DNAAF1: variants seen among roughly 807,000 people sequenced by gnomAD.
DNAAF1 encodes the protein dynein axonemal assembly factor 1.
DNAAF1 carries 65 observed loss-of-function variants against 71.1 expected under a neutral mutation model. The observed-to-expected ratio is 0.91, with a 90% confidence interval of 0.75 to 1.12. DNAAF1 has a LOEUF of 1.12. Ranked by LOEUF, DNAAF1 falls within the 50% of genes most tolerant of loss-of-function variation. The probability of loss-of-function intolerance (pLI) is 0.00; values close to 1 mark genes in which losing one functional copy is unlikely to be tolerated. For missense variants in DNAAF1, 1,178 were observed against 899.8 expected (o/e 1.31, Z -3.96); for synonymous variants, 414 against 354.6 (o/e 1.17, Z -1.88).
intron 4 of DNAAF1, among the ~76,000 whole-genome samples, chr16:84,155,069 T>C (rs1392786559): frequency 3.3e-5 from 5 of 152,012 alleles, no homozygotes; most frequent in Non-Finnish European, 7.4e-5. Context: ...CCACCACACC[T>C]GGCTAATTTT....
At position 84,154,635 on chromosome 16, in the gene DNAAF1, G is replaced by A; in HGVS notation, c.411G>A (p.Gln137=). The A allele has an allele frequency of 1.2e-6, 2 of 1,614,194 alleles. No homozygotes were observed. The highest frequency in any genetic ancestry group is 1.7e-6 in the Non-Finnish European group (2 of 1,180,032). Residue 137 remains glutamine, a synonymous_variant, in exon 4 of 12, where the codon CAG becomes CAA. Transcript: ENST00000378553. The part of the protein sequence containing the change: ...EYTGLRCLWL[Q]SNGIQKIENL... The stretch of plus-strand genomic sequence containing the variant: ...CAGGGCTGCGCTGTCTCTGGCTGCA[G>A]AGCAATGGAATACAGAAAATCGAAA...
chr16:84,163,359 T>C (rs942500231), intron 6 of DNAAF1, among the ~76,000 whole-genome samples: 4 of 150,110 alleles, frequency 2.7e-5, no homozygotes, highest in Admixed American at 2.7e-4. Context: ...GCCTGTCTTT[T>C]TTTTCCTCTC....
At chr16:84,151,666 G>C (rs947448460) in intron 3 of DNAAF1, among the ~76,000 whole-genome samples, 1 of 152,160 alleles carries the variant, frequency 6.6e-6, no homozygotes, top group Non-Finnish European at 1.5e-5. Context: ...AGTTTCTGAG[G>C]GCCGGGAACT....
chr16:84,154,885 C>A, intron 4 of DNAAF1, 87 bp downstream of exon 4: 2 of 1,122,342 alleles, frequency 1.8e-6, no homozygotes, highest in Non-Finnish European at 2.7e-6. Flanking sequence ...ATATTATGGG[C>A]AAGAAGTGGT....
At chr16:84,148,986 C>A in intron 1 of DNAAF1, 21 bp from the exon 2 acceptor site, 2 of 1,613,736 alleles carry the variant, frequency 1.2e-6, no homozygotes, top group Non-Finnish European at 1.7e-6. Flanking sequence ...CTCTACAGAC[C>A]TGATCTCTTT....
intron 10 of DNAAF1, 126 bp from the exon 11 acceptor site, chr16:84,175,807 C>T (rs1347200752): frequency 2.3e-6 from 3 of 1,277,326 alleles, no homozygotes; most frequent in Non-Finnish European, 3.3e-6. Context: ...TCCCTTGGGC[C>T]TTTCTTGGAT....
intron 8 of DNAAF1, among the ~76,000 whole-genome samples, chr16:84,171,879 CTT>C (rs775231302): frequency 2.4e-4 from 34 of 138,830 alleles, no homozygotes; most frequent in Middle Eastern, 3.7e-3. Context: ...GGGTTTTTGT[CTT>C]TTTTTTTTTT....
intron 10 of DNAAF1, 78 bp downstream of exon 10, chr16:84,174,800 A>G (rs1249763971): frequency 5.1e-6 from 8 of 1,577,464 alleles, no homozygotes; most frequent in Non-Finnish European, 7.0e-6. Context: ...TTTCTCTCCT[A>G]AACTTGAAAG....
intron 7 of DNAAF1, among the ~76,000 whole-genome samples, chr16:84,167,498 C>T (rs923888214): frequency 6.6e-6 from 1 of 152,146 alleles, no homozygotes. Context: ...AGCCACCCCA[C>T]CCCCAAGAGC....
rs774702739 is a variant in DNAAF1 at position 84,176,041 on chromosome 16, C to G, written c.1807C>G (p.Leu603Val). 1.2e-6 allele frequency: 2 copies of G among 1,614,198 alleles called. No individual in the cohort carries two copies. The highest frequency in any genetic ancestry group is 1.7e-5 in the Admixed American group (1 of 60,032). The change falls in exon 11 of 12, where the codon CTG becomes GTG. Residue 603 changes from leucine (L) to valine (V), a missense_variant. Leu to Val is a conservative substitution (Grantham distance 32). Transcript: ENST00000378553. ...PVLENLPTDT[L>V]SNIFAVSKDT... ...GCTGGAAAACCTCCCCACAGACACT[C>G]TGTCAAATATATTTGCAGTCTCTAA...
At chr16:84,172,562 T>G in intron 9 of DNAAF1, 187 bp downstream of exon 9, 2 of 1,429,548 alleles carry the variant, frequency 1.4e-6, no homozygotes, top group Admixed American at 2.5e-5. Flanking sequence ...CTGATTAGAA[T>G]CCAACTTTCA....
chr16:84,146,754 A>G (rs1028308797), intron 1 of DNAAF1, among the ~76,000 whole-genome samples: 6 of 152,136 alleles, frequency 3.9e-5, no homozygotes, highest in Non-Finnish European at 7.4e-5. Context: ...CAAAAAAAAA[A>G]AAGGAAAGAA....
At position 84,177,903 on chromosome 16, in the gene DNAAF1, A is replaced by C. The variant is rs1597515642; in HGVS notation, c.*62A>C. ...ATAAATGTCTCCCTTAGGCATGATA[A>C]ACATTTTAACACCCACGCGAGTCAG... On this transcript the variant is annotated 3_prime_UTR_variant, in exon 12 of 12. Coordinates refer to ENST00000378553, the MANE Select transcript of DNAAF1 (RefSeq NM_178452.6). 3.0e-6 allele frequency: 4 copies of C among 1,348,822 alleles called. No individual in the cohort carries two copies. In the East Asian group the frequency reaches 9.2e-5, roughly 31 times the overall value. 83.6% of individuals were successfully genotyped at this position (1,348,822 alleles called of 1,614,324 possible).
In DNAAF1 at chr16:84,176,291, C is replaced by G. The variant is rs139451720; in HGVS notation, c.2057C>G (p.Ser686Cys). 9 of 1,613,250 alleles carry G rather than the reference C, an allele frequency of 5.6e-6. No individual in the cohort carries two copies. In the East Asian group the frequency reaches 1.8e-4, roughly 32 times the overall value. ...AGGGACAGCGACTTCCTTGCAGCCT[C>G]TTCTCCGGGTAAGAGCGTGGGGCCG... is the stretch of plus-strand genomic sequence containing the variant. ...GDRDSDFLAA[S>C]SPVPTESAAT... Residue 686 changes from serine (S) to cysteine (C), a missense_variant, in exon 11 of 12, where the codon TCT becomes TGT. Ser to Cys is a moderately radical substitution (Grantham distance 112, BLOSUM62 -1). Transcript: ENST00000378553.
intron 5 of DNAAF1, chr16:84,159,217 C>T (rs550513293): frequency 2.2e-5 from 23 of 1,035,658 alleles, no homozygotes; most frequent in South Asian, 1.7e-4. Flanking sequence ...CAGAGGTAAG[C>T]GGGCACTCCC....
rs2088566923 is a variant in DNAAF1, at chr16:84,174,826, G to A, written c.1698+104G>A. ...AACTTGAAAGTAAAATGTTCCCTGTGCATAAAGCATTGAATTCCCCCATAT... is the reference window on the plus strand; with the variant it reads ...AACTTGAAAGTAAAATGTTCCCTGTACATAAAGCATTGAATTCCCCCATAT... On this transcript the variant is annotated intron_variant, in intron 10 of 11. Coordinates refer to ENST00000378553, the MANE Select transcript of DNAAF1 (RefSeq NM_178452.6). 2.3e-5 allele frequency: 33 copies of A among 1,423,332 alleles called. 1 individual carries two copies. The South Asian group carries it at 2.8e-4, about 12-fold the overall frequency. 88.2% of individuals were successfully genotyped at this position (1,423,332 alleles called of 1,614,324 possible).
intron 5 of DNAAF1, among the ~76,000 whole-genome samples, chr16:84,156,315 C>T (rs1026007078): frequency 2.0e-5 from 3 of 152,224 alleles, no homozygotes; most frequent in African/African-American, 4.8e-5. Flanking sequence ...GTGTTACCCA[C>T]ATTCTGGATT....
chr16:84,152,425 G>A (rs1466272844), intron 3 of DNAAF1, among the ~76,000 whole-genome samples: 1 of 152,112 alleles, frequency 6.6e-6, no homozygotes, highest in East Asian at 1.9e-4. Flanking sequence ...GGCCAAGGCA[G>A]GCAGATCAGG....
Position 84,174,944 on chromosome 16 carries a change from C to G in DNAAF1, c.1698+222C>G, listed in dbSNP as rs150778365. On this transcript the variant is annotated intron_variant, in intron 10 of 11. Coordinates refer to ENST00000378553, the MANE Select transcript of DNAAF1 (RefSeq NM_178452.6). ...GTTCTTGGCTCACTGCAACCTCCAC[C>G]TCCTGGGTTCAAGCAATTCTCCTGT... 102 of 519,866 alleles carry G rather than the reference C, an allele frequency of 2.0e-4. No homozygotes were observed. The East Asian group carries it at 4.0e-3, about 20-fold the overall frequency. The allele number at this position is 519,866 out of a possible 1,614,324, so 32.2% of individuals were successfully genotyped here.
Sources: gnomAD v4.1 joint callset for allele counts (sites outside exome capture counted in the v4.1 genomes callset) on GRCh38, gnomAD v4.1.1 for gene constraint, MANE v1.5 for transcripts, NCBI Gene and HGNC (gene_info 2026-07-23, HGNC 2026-07-21) for gene names.